Variants in ADK observed in about 807,000 individuals in gnomAD.
ADK encodes the protein adenosine kinase, also known as N6,N6-dimethyladenosine kinase.
ADK carries 24 observed loss-of-function variants against 44.7 expected under a neutral mutation model. The ratio of observed to expected loss-of-function variants is 0.54; its 90% CI spans 0.39 to 0.76. The LOEUF (loss-of-function observed/expected upper bound fraction) is 0.76, where lower values mean the gene tolerates loss of function less well. Ranked by LOEUF, ADK falls within the 30% of genes least tolerant of loss-of-function variation. The pLI is 0.00. For missense variants in ADK, 321 were observed against 425.1 expected (o/e 0.76, Z 2.15); for synonymous variants, 128 against 142.6 (o/e 0.90, Z 0.73).
chr10:74,618,721 G>A (rs977594475), intron 9 of ADK, among the ~76,000 whole-genome samples: 2 of 151,882 alleles, frequency 1.3e-5, no homozygotes, highest in African/African-American at 2.4e-5. Flanking sequence ...TCTTATTTTT[G>A]TTGAGAAGTC....
intron 4 of ADK, among the ~76,000 whole-genome samples, chr10:74,386,496 C>G (rs1452539594): frequency 6.6e-6 from 1 of 152,076 alleles, no homozygotes; most frequent in East Asian, 1.9e-4. Flanking sequence ...TTGTTAAAGA[C>G]TCTTGTTATG....
chr10:74,416,117 T>C (rs1844365646), intron 6 of ADK, among the ~76,000 whole-genome samples: 1 of 151,720 alleles, frequency 6.6e-6, no homozygotes, highest in Non-Finnish European at 1.5e-5. Flanking sequence ...TTTTTTGAAA[T>C]ACCAGTTTTT....
intron 6 of ADK, among the ~76,000 whole-genome samples, chr10:74,497,466 C>T (rs1262665120): frequency 2.0e-5 from 3 of 152,176 alleles, no homozygotes; most frequent in Non-Finnish European, 4.4e-5. Context: ...ACCATCTTTT[C>T]TCCCACCTCT....
chr10:74,619,012 TTGTGTGTGTG>T (rs56168944), intron 9 of ADK, among the ~76,000 whole-genome samples: 21,531 of 139,422 alleles, frequency 0.15, 2,248 homozygotes, highest in East Asian at 0.56. Context: ...TTTATGCTCT[TTGTGTGTGTG>T]TGTGTGTGTG....
chr10:74,675,906 G>C (rs1279764851), intron 10 of ADK, among the ~76,000 whole-genome samples: 1 of 152,104 alleles, frequency 6.6e-6, no homozygotes, highest in Non-Finnish European at 1.5e-5. Context: ...TATGGCAGCT[G>C]TGGGAATATG....
chr10:74,433,550 CAT>C (rs746549728), intron 6 of ADK, among the ~76,000 whole-genome samples: 56 of 152,220 alleles, frequency 3.7e-4, no homozygotes, highest in Non-Finnish European at 6.0e-4. Context: ...TATTATTAGA[CAT>C]GTGAAAATAG....
intron 9 of ADK, among the ~76,000 whole-genome samples, chr10:74,606,127 C>T (rs1852316013): frequency 6.6e-6 from 1 of 151,974 alleles, no homozygotes. Flanking sequence ...TTTGATTCTT[C>T]TCTCTTTTCT....
chr10:74,609,978 C>T (rs965162946), intron 9 of ADK, among the ~76,000 whole-genome samples: 6 of 152,064 alleles, frequency 3.9e-5, no homozygotes, highest in South Asian at 2.1e-4. Context: ...TCAGTCCTTG[C>T]AGGTTAATTG....
intron 3 of ADK, among the ~76,000 whole-genome samples, chr10:74,279,395 G>A (rs1846828954): frequency 6.6e-6 from 1 of 152,038 alleles, no homozygotes; most frequent in Admixed American, 6.5e-5. Flanking sequence ...AGACCAGTCT[G>A]GCCAATATAG....
intron 9 of ADK, among the ~76,000 whole-genome samples, chr10:74,654,194 G>A (rs1854391467): frequency 6.6e-6 from 1 of 152,160 alleles, no homozygotes; most frequent in African/African-American, 2.4e-5. Context: ...TAACCATTGT[G>A]CTCAGAAGGA....
intron 3 of ADK, among the ~76,000 whole-genome samples, chr10:74,256,574 G>C (rs1286750299): frequency 6.6e-6 from 1 of 152,004 alleles, no homozygotes; most frequent in South Asian, 2.1e-4. Context: ...GTTTTTACAG[G>C]CCAGAGCATT....
At chr10:74,294,357 G>A (rs933388800) in intron 3 of ADK, among the ~76,000 whole-genome samples, 1 of 151,810 alleles carries the variant, frequency 6.6e-6, no homozygotes, top group Admixed American at 6.6e-5. Flanking sequence ...CACAGTCTCG[G>A]CTCATTGCAA....
intron 3 of ADK, among the ~76,000 whole-genome samples, chr10:74,240,448 TC>T (rs1845168494): frequency 1.3e-5 from 2 of 151,666 alleles, no homozygotes. Flanking sequence ...GCTGAAATTT[TC>T]CCTTTAAACT....
intron 4 of ADK, among the ~76,000 whole-genome samples, chr10:74,377,138 T>C (rs1454118789): frequency 6.6e-6 from 1 of 152,200 alleles, no homozygotes; most frequent in Non-Finnish European, 1.5e-5. Flanking sequence ...TAGGTTATTA[T>C]TGGTATCTGA....
chr10:74,523,744 A>C (rs1848929571), intron 6 of ADK, among the ~76,000 whole-genome samples: 1 of 152,194 alleles, frequency 6.6e-6, no homozygotes, highest in Non-Finnish European at 1.5e-5. Context: ...CAGATTCAAA[A>C]ATCTCAATCA....
intron 6 of ADK, among the ~76,000 whole-genome samples, chr10:74,470,624 T>C (rs1846546974): frequency 7.4e-6 from 1 of 134,604 alleles, no homozygotes; most frequent in Non-Finnish European, 1.5e-5. Flanking sequence ...CCTTTGACAA[T>C]TTTTCATTTG....
At chr10:74,603,666 A>G (rs1852221492) in intron 9 of ADK, among the ~76,000 whole-genome samples, 3 of 152,042 alleles carry the variant, frequency 2.0e-5, no homozygotes, top group Non-Finnish European at 1.5e-5. Flanking sequence ...ATTGATGGGC[A>G]TTTGGGTTGA....
chr10:74,491,180 A>G (rs1188697457), intron 6 of ADK, among the ~76,000 whole-genome samples: 1 of 152,088 alleles, frequency 6.6e-6, no homozygotes, highest in Non-Finnish European at 1.5e-5. Context: ...CTTTTTTCAC[A>G]GTGTCTTATA....
intron 7 of ADK, among the ~76,000 whole-genome samples, chr10:74,571,046 CAT>C (rs1850936131): frequency 6.6e-6 from 1 of 152,168 alleles, no homozygotes; most frequent in African/African-American, 2.4e-5. Context: ...TTGAGATAAT[CAT>C]GTGGTTTTTG....
Sources: gnomAD v4.1 joint callset for allele counts (sites outside exome capture counted in the v4.1 genomes callset) on GRCh38, gnomAD v4.1.1 for gene constraint, MANE v1.5 for transcripts, NCBI Gene and HGNC (gene_info 2026-07-23, HGNC 2026-07-21) for gene names.